The following GNAS variants were observed in gnomAD, a reference collection of about 807,000 sequenced individuals.
GNAS encodes the protein GNAS complex locus.
A neutral mutation model predicts 54.5 loss-of-function variants in GNAS; 8 were observed. The observed-to-expected ratio is 0.15, with a 90% confidence interval of 0.09 to 0.26. GNAS has a LOEUF of 0.26. Ranked by LOEUF, GNAS falls within the 10% of genes least tolerant of loss-of-function variation. The pLI is 1.00. For synonymous variants in GNAS, 204 were observed against 191.4 expected, an observed-to-expected ratio of 1.07 and a Z score of -0.54; for missense variants, 170 against 529.8, an observed-to-expected ratio of 0.32 and a Z score of 6.67.
At chr20:58,844,582 A>C (rs1217910038) in intron 1 of GNAS, among the ~76,000 whole-genome samples, 3 of 152,142 alleles carry the variant, frequency 2.0e-5, no homozygotes, top group African/African-American at 7.2e-5. Context: ...TTCTAAAATG[A>C]GATCGCTGAA....
intron 1 of GNAS, among the ~76,000 whole-genome samples, chr20:58,872,987 CT>C (rs1162964650): frequency 6.6e-6 from 1 of 152,214 alleles, no homozygotes; most frequent in Admixed American, 6.5e-5. Flanking sequence ...AAGTGGCTTC[CT>C]GGGCTGACCT....
intron 1 of GNAS, among the ~76,000 whole-genome samples, chr20:58,862,265 C>T (rs2086820957): frequency 6.6e-6 from 1 of 152,062 alleles, no homozygotes; most frequent in South Asian, 2.1e-4. Flanking sequence ...TCAAGTGATT[C>T]TCCTGTCTCA....
At chr20:58,891,394 A>G, upstream of GNAS, 1 of 236,142 alleles carries the variant, frequency 4.2e-6, no homozygotes, top group Non-Finnish European at 6.6e-6. Flanking sequence ...CCGAGGCAAT[A>G]AGAGCGGCGG....
intron 1 of GNAS, chr20:58,864,191 G>A (rs1384276215): frequency 6.6e-6 from 1 of 152,170 alleles, no homozygotes; most frequent in Non-Finnish European, 1.5e-5. Context: ...TTACATTACT[G>A]AGACCACTTG....
chr20:58,907,723 T>C (rs1017810051), intron 6 of GNAS, among the ~76,000 whole-genome samples: 2 of 152,234 alleles, frequency 1.3e-5, no homozygotes, highest in African/African-American at 4.8e-5. Context: ...TTAAGGAAAC[T>C]CAGAGAAAAA....
rs1210756121 is a variant in GNAS, at chr20:58,873,264, C to T, written c.44-22348C>T. On this transcript the variant is annotated intron_variant, in intron 1 of 12. Transcript: ENST00000306090. The surrounding 1 kb of genome is among the most constrained non-coding windows in gnomAD (Gnocchi z 4.3). ...GGAATTGTCAGGGAGTTAGGGGTCA[C>T]GGTGGTTCTTCAGGAAGAAAGAAAT... is the stretch of plus-strand genomic sequence containing the variant. Among the ~76,000 whole-genome samples the T allele has an allele frequency of 2.0e-5, 3 of 151,680 alleles. No homozygotes were observed. Among genetic ancestry groups the T allele is most frequent in the African/African-American group, 4.8e-5 (2 of 41,254 alleles).
chr20:58,850,666 G>A, intron 1 of GNAS: 1 of 399,182 alleles, frequency 2.5e-6, no homozygotes. Flanking sequence ...TCCTCACCTT[G>A]CCCGGCAGTG....
upstream of GNAS, chr20:58,889,231 C>CGCGGT: frequency 1.7e-6 from 2 of 1,205,398 alleles, no homozygotes; most frequent in South Asian, 1.4e-5. Flanking sequence ...GCCGGCGCGG[C>CGCGGT]GCTCCCCTGC....
At chr20:58,905,259 CA>C in intron 5 of GNAS, 123 bp from the exon 6 acceptor site, 2 of 709,762 alleles carry the variant, frequency 2.8e-6, no homozygotes, top group South Asian at 3.0e-5. Context: ...TAATTGGGCT[CA>C]AAATTCAAAA....
At chr20:58,854,996 C>T (rs554838821) in intron 1 of GNAS, 4 of 1,612,548 alleles carry the variant, frequency 2.5e-6, no homozygotes, top group South Asian at 1.1e-5. Context: ...ATGACTCCAG[C>T]GGAGACGAGT....
rs1162576462 is a variant in GNAS at position 58,854,624 on chromosome 20, C to T, written c.43+13738C>T. 5.9e-6 allele frequency: 9 copies of T among 1,535,542 alleles called. No homozygotes were observed. In the Admixed American group the frequency reaches 1.4e-4, roughly 23 times the overall value. ...CGGCCCCTGACGCCCCAGCCGATCC[C>T]GACTCCGGGGCGGCCCCTGACGCCC... On this transcript the variant is annotated intron_variant, in intron 1 of 12. Coordinates refer to the GNAS transcript ENST00000306090.
intron 1 of GNAS, chr20:58,850,910 C>T: frequency 2.5e-6 from 1 of 398,736 alleles, no homozygotes; most frequent in East Asian, 3.6e-5. Context: ...CCTATTGGAC[C>T]TCCCACCCAT....
chr20:58,884,756 C>T (rs4810149), intron 1 of GNAS: 89,160 of 152,116 alleles, frequency 0.59, 26,819 homozygotes, highest in East Asian at 0.72. Context: ...GCTTTCCTGC[C>T]GTAGAGCGGC....
At position 58,910,177 on chromosome 20, in the gene GNAS, C is replaced by T; in HGVS notation, c.970+96C>T. On this transcript the variant is annotated intron_variant, in intron 11 of 12. Transcript: ENST00000371085. The surrounding 1 kb of genome is among the most constrained non-coding windows in gnomAD (Gnocchi z 5.8). ...CCCCATCCCCCTCCCACCACCAAAC[C>T]ATAAAGGATCTATAAGAGAAGCAAG... is the stretch of plus-strand genomic sequence containing the variant. The T allele has an allele frequency of 7.3e-7, 1 of 1,374,038 alleles. No individual in the cohort carries two copies. Among genetic ancestry groups the T allele is most frequent in the Non-Finnish European group, 1.0e-6 (1 of 961,340 alleles). 85.1% of individuals were successfully genotyped at this position (1,374,038 alleles called of 1,614,324 possible).
At chr20:58,905,301 C>T in intron 5 of GNAS, 82 bp from the exon 6 acceptor site, 1 of 839,620 alleles carries the variant, frequency 1.2e-6, no homozygotes, top group Non-Finnish European at 2.1e-6. Context: ...ATAGGGAACT[C>T]TGGTCTCAGG....
At chr20:58,886,488 G>A (rs112927467), upstream of GNAS, among the ~76,000 whole-genome samples, 8 of 152,206 alleles carry the variant, frequency 5.3e-5, no homozygotes, top group African/African-American at 1.4e-4. Context: ...TGAGCCAGAC[G>A]AGGGGCCCCT....
intron 1 of GNAS, among the ~76,000 whole-genome samples, chr20:58,864,952 C>CACACACACACACACAA: frequency 6.6e-6 from 1 of 151,770 alleles, no homozygotes; most frequent in Non-Finnish European, 1.5e-5. Flanking sequence ...CACACACACA[C>CACACACACACACACAA]ACACAAACAC....
At chr20:58,885,592 T>A (rs942330668) in intron 1 of GNAS, among the ~76,000 whole-genome samples, 2 of 152,026 alleles carry the variant, frequency 1.3e-5, no homozygotes, top group African/African-American at 2.4e-5. Context: ...ACTTTATGGT[T>A]GGAGTTACTA....
At chr20:58,850,884 T>C in intron 1 of GNAS, 1 of 398,688 alleles carries the variant, frequency 2.5e-6, no homozygotes, top group Non-Finnish European at 4.4e-6. Context: ...TCTTCGGGCG[T>C]TCCAACGCGG....
Sources: gnomAD v4.1 joint callset for allele counts (sites outside exome capture counted in the v4.1 genomes callset) on GRCh38, gnomAD v4.1.1 for gene constraint, Gnocchi (gnomAD v3.1) non-coding constraint, MANE v1.5 for transcripts, NCBI Gene and HGNC (gene_info 2026-07-23, HGNC 2026-07-21) for gene names.